GLIS3: variants seen among roughly 807,000 people sequenced by gnomAD.
GLIS3 encodes GLIS family zinc finger 3, also known as zinc finger protein GLIS3.
GLIS3 carries 53 observed loss-of-function variants against 78.6 expected under a neutral mutation model. The ratio of observed to expected loss-of-function variants is 0.67; its 90% CI spans 0.54 to 0.85. The LOEUF is 0.85. GLIS3 is among the 40% of genes least tolerant of loss of function. GLIS3 has a pLI of 0.00. For synonymous variants in GLIS3, 684 were observed against 509.9 expected (o/e 1.34, Z -4.60); for missense variants, 1,703 against 1,231.1 (o/e 1.38, Z -5.74).
the GLIS3 span, among the ~76,000 whole-genome samples, chr9:4,490,018 C>G: frequency 0.75 from 113,777 of 152,078 alleles, 42,650 homozygotes; most frequent in East Asian, 0.95. Flanking sequence ...CCTGAGTAGC[C>G]GAGCAAGAGG....
chr9:3,973,923 T>C (rs746059287), intron 4 of GLIS3, among the ~76,000 whole-genome samples: 1 of 152,202 alleles, frequency 6.6e-6, no homozygotes, highest in African/African-American at 2.4e-5. Flanking sequence ...AAATTTTTTA[T>C]TGTAATCTCA....
At position 4,031,454 on chromosome 9, in the gene GLIS3, A is replaced by C. The variant is rs1269127090; in HGVS notation, c.1710+86314T>G. 2.6e-5 allele frequency among the ~76,000 whole-genome samples: 4 copies of C among 152,354 alleles called. No homozygotes were observed. The East Asian group carries it at 7.7e-4, about 29-fold the overall frequency. ...ATTATGCAAGTACATAGAGACAAAA[A>C]GCAGATTAGTAGTTGCCTGTGGCTG... On this transcript the variant is annotated intron_variant, in intron 4 of 10. Transcript: ENST00000381971.
intron 2 of GLIS3, among the ~76,000 whole-genome samples, chr9:4,205,065 A>C (rs902042091): frequency 6.6e-6 from 1 of 151,724 alleles, no homozygotes; most frequent in Non-Finnish European, 1.5e-5. Flanking sequence ...AATCCCAGCT[A>C]CTTGGGAGGC....
At chr9:4,162,568 A>G (rs1385436757) in intron 2 of GLIS3, among the ~76,000 whole-genome samples, 1 of 152,160 alleles carries the variant, frequency 6.6e-6, no homozygotes, top group Non-Finnish European at 1.5e-5. Context: ...CATCTATAAG[A>G]TCAATCACTG....
chr9:4,052,068 G>C (rs930614019), intron 4 of GLIS3, among the ~76,000 whole-genome samples: 4 of 152,194 alleles, frequency 2.6e-5, no homozygotes, highest in African/African-American at 9.6e-5. Context: ...GGGCTTAAAA[G>C]AATCAATGGA....
At chr9:4,344,713 A>G (rs984811220) in intron 2 of GLIS3, among the ~76,000 whole-genome samples, 4 of 152,224 alleles carry the variant, frequency 2.6e-5, no homozygotes, top group African/African-American at 7.2e-5. Flanking sequence ...GGCATCCCAG[A>G]AACATGACAT....
the GLIS3 span, among the ~76,000 whole-genome samples, chr9:4,430,434 G>A: frequency 4.6e-5 from 7 of 152,350 alleles, no homozygotes; most frequent in South Asian, 1.4e-3. Flanking sequence ...CAGCAGAGAA[G>A]CTGCACTGTT....
Position 3,879,566 on chromosome 9 carries a change from G to T in GLIS3, c.2158C>A (p.Arg720=), listed in dbSNP as rs757601035. 6.2e-6 allele frequency: 10 copies of T among 1,613,920 alleles called. No individual in the cohort carries two copies. The highest frequency in any genetic ancestry group is 1.3e-5 in the African/African-American group (1 of 74,880). ...ACGGCCCCAGCAGCTGTTCCACTTC[G>T]GCTTGAATAATTGCTGGAGAAAATG... ...APIFSSNYSS[R]SGTAAGAVPP... The change falls in exon 8 of 11, where the codon CGA becomes AGA. Residue 720 remains arginine, a synonymous_variant. Coordinates refer to ENST00000381971, the MANE Select transcript of GLIS3 (RefSeq NM_001042413.2).
the GLIS3 span, among the ~76,000 whole-genome samples, chr9:4,472,556 A>G: frequency 1.2e-4 from 18 of 145,988 alleles, no homozygotes; most frequent in African/African-American, 4.3e-4. Context: ...GAACTGAACA[A>G]TGAGAACACT....
chr9:4,187,056 A>G lies in GLIS3; in HGVS notation c.389-61115T>C, dbSNP rs551554752. Among the ~76,000 whole-genome samples the G allele has an allele frequency of 2.6e-5, 4 of 152,318 alleles. No homozygotes were observed. In the South Asian group the frequency reaches 8.3e-4, roughly 32 times the overall value. On this transcript the variant is annotated intron_variant, in intron 2 of 10. Transcript: ENST00000381971. Reference sequence around the variant, plus strand: ...TGCCATTGCTTTCAGTGTTTTAGACATGAAGTCCTTGCCCATGCCTATGTC... The same window carrying G: ...TGCCATTGCTTTCAGTGTTTTAGACGTGAAGTCCTTGCCCATGCCTATGTC...
At chr9:4,298,544 C>CA (rs1816810829) in intron 1 of GLIS3, 1 of 346,356 alleles carries the variant, frequency 2.9e-6, no homozygotes, top group Admixed American at 3.4e-5. Flanking sequence ...GCGGCTCACT[C>CA]ACGCTTTCCA....
intron 6 of GLIS3, among the ~76,000 whole-genome samples, chr9:3,908,480 C>G (rs963214672): frequency 5.9e-5 from 9 of 152,122 alleles, no homozygotes; most frequent in African/African-American, 2.2e-4. Flanking sequence ...GGCTTAATTT[C>G]CCAACCTATC....
intron 4 of GLIS3, among the ~76,000 whole-genome samples, chr9:3,992,411 G>A (rs1049998085): frequency 6.6e-6 from 1 of 152,190 alleles, no homozygotes; most frequent in Non-Finnish European, 1.5e-5. Flanking sequence ...GTGTTTCCTT[G>A]TTAAAGGTTC....
intron 2 of GLIS3, among the ~76,000 whole-genome samples, chr9:4,338,336 GAGAT>G (rs1423241344): frequency 6.6e-6 from 1 of 151,416 alleles, no homozygotes; most frequent in Non-Finnish European, 1.5e-5. Context: ...TATATATAGA[GAGAT>G]AGATGGATTT....
intron 4 of GLIS3, among the ~76,000 whole-genome samples, chr9:4,075,699 A>G (rs1429911256): frequency 6.6e-6 from 1 of 152,244 alleles, no homozygotes; most frequent in African/African-American, 2.4e-5. Flanking sequence ...TCAAAACCAG[A>G]AACAACCCAA....
At chr9:4,002,923 C>T (rs999821271) in intron 4 of GLIS3, among the ~76,000 whole-genome samples, 1 of 152,208 alleles carries the variant, frequency 6.6e-6, no homozygotes, top group Non-Finnish European at 1.5e-5. Context: ...AGATCCACAA[C>T]GACATGGCTC....
At chr9:4,008,858 A>C (rs1281422454) in intron 4 of GLIS3, among the ~76,000 whole-genome samples, 1 of 151,968 alleles carries the variant, frequency 6.6e-6, no homozygotes, top group African/African-American at 2.4e-5. Flanking sequence ...GGAGATGAGG[A>C]GAAGTGAGGT....
At chr9:4,195,396 C>T (rs1563735331) in intron 2 of GLIS3, among the ~76,000 whole-genome samples, 1 of 152,198 alleles carries the variant, frequency 6.6e-6, no homozygotes, top group Non-Finnish European at 1.5e-5. Flanking sequence ...CTCGGAGAGG[C>T]CAGCCGGTGC....
At chr9:4,175,557 C>T (rs997398820) in intron 2 of GLIS3, among the ~76,000 whole-genome samples, 5 of 152,164 alleles carry the variant, frequency 3.3e-5, no homozygotes, top group African/African-American at 4.8e-5. Context: ...TGGTGGCTCA[C>T]AGACCCTGAA....
Sources: gnomAD v4.1 joint callset for allele counts (sites outside exome capture counted in the v4.1 genomes callset) on GRCh38, gnomAD v4.1.1 for gene constraint, MANE v1.5 for transcripts, NCBI Gene and HGNC (gene_info 2026-07-23, HGNC 2026-07-21) for gene names.